PTPRQ: variants seen among roughly 807,000 people sequenced by gnomAD.
The protein encoded by PTPRQ is protein tyrosine phosphatase receptor type Q, also known as phosphatidylinositol phosphatase PTPRQ.
A neutral mutation model predicts 246.0 loss-of-function variants in PTPRQ; 199 were observed. The observed-to-expected ratio is 0.81, with a 90% CI of 0.72 to 0.91. The LOEUF is 0.91. Ranked by LOEUF, PTPRQ falls within the 40% of genes least tolerant of loss-of-function variation. The pLI is 0.00. For synonymous variants in PTPRQ, 869 were observed against 853.2 expected (o/e 1.02, Z -0.32); for missense variants, 2,624 against 2,528.4 (o/e 1.04, Z -0.81).
intron 8 of PTPRQ, among the ~76,000 whole-genome samples, chr12:80,481,996 G>A (rs979769051): frequency 7.8e-6 from 1 of 127,670 alleles, no homozygotes; most frequent in East Asian, 2.0e-4. Flanking sequence ...AGCTACCAAT[G>A]CCTTTCTTCA....
chr12:80,533,882 CCAA>C, intron 17 of PTPRQ, 130 bp from the exon 18 acceptor site: 1 of 634,238 alleles, frequency 1.6e-6, no homozygotes, highest in Non-Finnish European at 2.3e-6. Context: ...TTCAGGATAA[CCAA>C]CATCTTTTTT....
At chr12:80,527,116 G>T in intron 17 of PTPRQ, among the ~76,000 whole-genome samples, 1 of 151,544 alleles carries the variant, frequency 6.6e-6, no homozygotes, top group Admixed American at 6.6e-5. Context: ...TCAGTAAAAA[G>T]GCCATCTTTC....
chr12:80,444,926 A>G (rs2120380923), intron 2 of PTPRQ, 77 bp downstream of exon 2: 2 of 1,383,960 alleles, frequency 1.4e-6, no homozygotes, highest in South Asian at 1.3e-5. Flanking sequence ...AAATACTTAT[A>G]CTGGCAACAT....
chr12:80,506,013 G>A lies in PTPRQ; in HGVS notation c.2273-11G>A. 1 of 1,528,494 alleles carries A rather than the reference G, an allele frequency of 6.5e-7. No homozygotes were observed. The highest frequency in any genetic ancestry group is 1.3e-5 in the South Asian group (1 of 77,332). 94.7% of individuals were successfully genotyped at this position (1,528,494 alleles called of 1,614,324 possible). ...AATTGTTTTATGTATCTATATTTTTGTTTCTTTCAGTGCCTGATAGTGCAC... is the reference window on the plus strand; with the variant it reads ...AATTGTTTTATGTATCTATATTTTTATTTCTTTCAGTGCCTGATAGTGCAC... On this transcript the variant is annotated splice_polypyrimidine_tract_variant and intron_variant, in intron 14 of 44. Coordinates refer to ENST00000644991, the MANE Select transcript of PTPRQ (RefSeq NM_001145026.2).
chr12:80,474,960 GAGAGCCTGC>G (rs1893765198), intron 8 of PTPRQ, among the ~76,000 whole-genome samples: 1 of 152,166 alleles, frequency 6.6e-6, no homozygotes, highest in Admixed American at 6.5e-5. Context: ...GAAAATAACT[GAGAGCCTGC>G]CAACTTTGTG....
chr12:80,481,414 T>C (rs968260819), intron 8 of PTPRQ, among the ~76,000 whole-genome samples: 60 of 152,188 alleles, frequency 3.9e-4, no homozygotes, highest in Non-Finnish European at 7.2e-4. Flanking sequence ...CCACAGCCAA[T>C]ATCATACTGA....
intron 24 of PTPRQ, 37 bp from the exon 25 acceptor site, chr12:80,549,428 A>G (rs569661659): frequency 2.6e-6 from 4 of 1,509,682 alleles, no homozygotes; most frequent in Admixed American, 4.2e-5. Context: ...TTACATATGT[A>G]TACACTTTAA....
intron 16 of PTPRQ, among the ~76,000 whole-genome samples, chr12:80,507,085 A>G (rs1010022419): frequency 6.6e-6 from 1 of 151,954 alleles, no homozygotes; most frequent in African/African-American, 2.4e-5. Flanking sequence ...TACGATATTA[A>G]TGATTAACTT....
At chr12:80,494,711 T>C (rs1461583905) in intron 10 of PTPRQ, among the ~76,000 whole-genome samples, 1 of 151,966 alleles carries the variant, frequency 6.6e-6, no homozygotes, top group Non-Finnish European at 1.5e-5. Flanking sequence ...GTGGTTATTA[T>C]TGGGAGGTAC....
intron 25 of PTPRQ, 25 bp from the exon 26 acceptor site, chr12:80,588,104 T>C (rs1430631690): frequency 6.7e-7 from 1 of 1,492,030 alleles, no homozygotes; most frequent in East Asian, 2.5e-5. Flanking sequence ...TGTAACTGCT[T>C]TTAATTTTTC....
At position 80,495,280 on chromosome 12, in the gene PTPRQ, A is replaced by G. The variant is rs1236362605; in HGVS notation, c.1791A>G (p.Gly597=). The G allele has an allele frequency of 2.6e-6, 4 of 1,546,688 alleles. No individual in the cohort carries two copies. The East Asian group carries it at 9.8e-5, about 38-fold the overall frequency. ...LYWDPPEYPN[G]KITHYTIYAM... ...GGGATCCTCCAGAATATCCCAATGG[A>G]AAAATAACTCACTATACGATTTATG... The change falls in exon 12 of 45, where the codon GGA becomes GGG. Residue 597 remains glycine (G), a synonymous_variant. Coordinates refer to ENST00000644991, the MANE Select transcript of PTPRQ (RefSeq NM_001145026.2).
chr12:80,494,126 A>G (rs1008203921), intron 10 of PTPRQ, among the ~76,000 whole-genome samples: 2 of 150,636 alleles, frequency 1.3e-5, no homozygotes, highest in Non-Finnish European at 2.9e-5. Context: ...TAGAATTAGT[A>G]AAAAAAAATC....
chr12:80,484,557 A>G lies in PTPRQ; in HGVS notation c.1311A>G (p.Pro437=). ...AATACCGAGTGAAAGTGCTAGTTCC[A>G]GAGACAGGAATAATTTTGGAAAATA... ...INQYRVKVLV[P]ETGIILENTL... is the part of the protein sequence containing the mutation. The change falls in exon 9 of 45, where the codon CCA becomes CCG. Residue 437 remains proline, a synonymous_variant. Coordinates refer to ENST00000644991, the MANE Select transcript of PTPRQ (RefSeq NM_001145026.2). 1 of 1,550,580 alleles carries G rather than the reference A, an allele frequency of 6.4e-7. No individual in the cohort carries two copies.
At chr12:80,605,253 T>C in intron 27 of PTPRQ, 73 bp downstream of exon 27, 1 of 1,491,582 alleles carries the variant, frequency 6.7e-7, no homozygotes, top group Non-Finnish European at 8.9e-7. Context: ...ACCAGACTAT[T>C]TGAATTTGAA....
chr12:80,498,691 A>C (rs1165871299), intron 14 of PTPRQ, among the ~76,000 whole-genome samples: 1 of 152,106 alleles, frequency 6.6e-6, no homozygotes, highest in Non-Finnish European at 1.5e-5. Flanking sequence ...ATATTTTGTC[A>C]TTAGGCTTCT....
intron 35 of PTPRQ, among the ~76,000 whole-genome samples, chr12:80,640,750 C>G (rs552045221): frequency 2.0e-4 from 31 of 152,176 alleles, no homozygotes; most frequent in African/African-American, 7.5e-4. Context: ...AAAGCTCCCC[C>G]CAAAAGCTAT....
In PTPRQ at chr12:80,670,420, CT is replaced by C. The variant is rs1392825592; in HGVS notation, c.6531del (p.Leu2178Ter). 1 of 1,551,084 alleles carries C rather than the reference CT, an allele frequency of 6.4e-7. No homozygotes were observed. The highest frequency in any genetic ancestry group is 1.4e-5 in the African/African-American group (1 of 72,952). On this transcript the variant is annotated frameshift_variant, in exon 42 of 45. Coordinates refer to ENST00000644991, the MANE Select transcript of PTPRQ (RefSeq NM_001145026.2). LOFTEE classifies it high-confidence loss of function. ...PEHGVPENSA[P>X]LIHFVKLVRA... ...CATGGGGTTCCTGAGAACAGCGCCC[CT>C]CTAATTCACTTTGTGAAGTTGGTTC...
chr12:80,640,952 C>T (rs1481292375), intron 35 of PTPRQ, among the ~76,000 whole-genome samples: 2 of 152,180 alleles, frequency 1.3e-5, no homozygotes, highest in Admixed American at 1.3e-4. Flanking sequence ...CTGTTATCAA[C>T]ATGACGCAAG....
chr12:80,660,799 G>A (rs1900603928), intron 39 of PTPRQ, among the ~76,000 whole-genome samples: 1 of 152,006 alleles, frequency 6.6e-6, no homozygotes, highest in South Asian at 2.1e-4. Context: ...AAAATGACAA[G>A]AGATACATTT....
Sources: allele counts gnomAD v4.1 joint callset (sites outside exome capture counted in the v4.1 genomes callset), GRCh38; gene constraint gnomAD v4.1.1; transcripts MANE v1.5; gene names NCBI Gene and HGNC (gene_info 2026-07-23, HGNC 2026-07-21).